AKAP13: variants seen among roughly 807,000 people sequenced by gnomAD.
AKAP13 encodes the protein A-kinase anchoring protein 13.
A neutral mutation model predicts 264.5 loss-of-function variants in AKAP13; 80 were observed. The ratio of observed to expected loss-of-function variants is 0.30; its 90% CI spans 0.25 to 0.36. The LOEUF is 0.36. AKAP13 is among the 10% of genes least tolerant of loss of function. The pLI, the probability that AKAP13 is intolerant of heterozygous loss-of-function variation, is 1.00. For synonymous variants in AKAP13, 1,380 were observed against 1,250.2 expected, an observed-to-expected ratio of 1.10 and a Z score of -2.19; for missense variants, 3,712 against 3,435.2, an observed-to-expected ratio of 1.08 and a Z score of -2.01.
At chr15:85,670,355 T>C (rs1322534094) in intron 14 of AKAP13, among the ~76,000 whole-genome samples, 7 of 151,894 alleles carry the variant, frequency 4.6e-5, no homozygotes, top group Admixed American at 4.6e-4. Flanking sequence ...TATTGTCTTA[T>C]ATTACCATAG....
intron 1 of AKAP13, among the ~76,000 whole-genome samples, chr15:85,389,375 C>T (rs997176379): frequency 1.3e-5 from 2 of 152,192 alleles, no homozygotes; most frequent in Non-Finnish European, 2.9e-5. Flanking sequence ...AAAGCTGGGG[C>T]GATTTTAGGG....
intron 4 of AKAP13, chr15:85,536,612 A>G (rs943493935): frequency 2.6e-5 from 4 of 152,252 alleles, no homozygotes; most frequent in South Asian, 4.1e-4. Flanking sequence ...AAACTATAAT[A>G]TATCCATACA....
At chr15:85,666,777 C>T (rs2151555010) in intron 13 of AKAP13, among the ~76,000 whole-genome samples, 1 of 152,322 alleles carries the variant, frequency 6.6e-6, no homozygotes, top group Non-Finnish European at 1.5e-5. Context: ...TCTCTTGAAA[C>T]TCCTGTCTTG....
rs981412399 is a variant in AKAP13 at position 85,514,187 on chromosome 15, C to T, written c.34-7241C>T. On this transcript the variant is annotated intron_variant, in intron 2 of 36. Coordinates refer to ENST00000394518, the MANE Select transcript of AKAP13 (RefSeq NM_007200.5). Reference sequence around the variant, plus strand: ...TTTGCGCAGTGATAATTTTACTATTCCAGCAATCTCCCCTCTTTAAGCAGT... The same window carrying T: ...TTTGCGCAGTGATAATTTTACTATTTCAGCAATCTCCCCTCTTTAAGCAGT... Among the ~76,000 whole-genome samples, 4 of 137,258 alleles carry T rather than the reference C, an allele frequency of 2.9e-5. No homozygotes were observed. In the East Asian group the frequency reaches 8.2e-4, roughly 28 times the overall value. 90.0% of individuals were successfully genotyped at this position (137,258 alleles called of 152,430 possible). A position where few individuals can be genotyped will look rare whatever the true frequency, so the allele number is the denominator to read the frequency against.
chr15:85,472,765 A>G (rs1174014419), intron 1 of AKAP13, among the ~76,000 whole-genome samples: 3 of 152,372 alleles, frequency 2.0e-5, no homozygotes, highest in African/African-American at 7.2e-5. Context: ...TAAGGTTGTC[A>G]TGAAAAATAC....
chr15:85,578,959 T>C lies in AKAP13; in HGVS notation c.891T>C (p.Leu297=), dbSNP rs1186450049. The C allele has an allele frequency of 6.2e-7, 1 of 1,613,968 alleles. No individual in the cohort carries two copies. Among genetic ancestry groups the C allele is most frequent in the Admixed American group, 1.7e-5 (1 of 59,998 alleles). The stretch of plus-strand genomic sequence containing the variant: ...CAAACCTCAAGCAGATGGACAGTCT[T>C]ATGCCCTTAATGATGACAGCACAGG... The part of the protein sequence containing the change: ...MKTNLKQMDS[L]MPLMMTAQDP... Residue 297 remains leucine, a synonymous_variant, in exon 7 of 37, where the codon CTT becomes CTC. Coordinates refer to ENST00000394518, the MANE Select transcript of AKAP13 (RefSeq NM_007200.5).
chr15:85,739,600 T>G (rs2088807349), intron 33 of AKAP13, among the ~76,000 whole-genome samples: 1 of 152,208 alleles, frequency 6.6e-6, no homozygotes, highest in Non-Finnish European at 1.5e-5. Context: ...ATCTTCTGGT[T>G]TCTTCCATTA....
chr15:85,608,414 C>A (rs924553316), intron 8 of AKAP13, among the ~76,000 whole-genome samples: 1 of 152,184 alleles, frequency 6.6e-6, no homozygotes, highest in Non-Finnish European at 1.5e-5. Flanking sequence ...TTGGATGTAT[C>A]ATACCATTTT....
chr15:85,684,911 G>T (rs747998814), intron 16 of AKAP13, 38 bp downstream of exon 16: 1 of 1,592,714 alleles, frequency 6.3e-7, no homozygotes, highest in African/African-American at 1.3e-5. Flanking sequence ...GATCACCTCA[G>T]TAGGATCCTG....
chr15:85,720,272 G>A (rs1250148543), intron 23 of AKAP13, among the ~76,000 whole-genome samples: 2 of 109,908 alleles, frequency 1.8e-5, no homozygotes, highest in Non-Finnish European at 4.9e-5. Context: ...GTGTGTGTGT[G>A]TGTGTGTGTG....
At chr15:85,386,774 T>G (rs1391759530) in intron 1 of AKAP13, among the ~76,000 whole-genome samples, 2 of 152,156 alleles carry the variant, frequency 1.3e-5, no homozygotes, top group South Asian at 2.1e-4. Context: ...CTTTTTTTTT[T>G]TGCAAGTTGA....
chr15:85,448,149 T>G (rs1048132374), intron 1 of AKAP13, among the ~76,000 whole-genome samples: 1 of 152,232 alleles, frequency 6.6e-6, no homozygotes, highest in East Asian at 1.9e-4. Context: ...TTTCATATGC[T>G]TGTTGGCTAC....
At chr15:85,730,449 T>A in intron 29 of AKAP13, 64 bp from the exon 30 acceptor site, 1 of 1,531,806 alleles carries the variant, frequency 6.5e-7, no homozygotes, top group Non-Finnish European at 8.9e-7. Context: ...GGTGCTCGTG[T>A]CTTAGTCATT....
chr15:85,593,782 T>C (rs2079686749), intron 8 of AKAP13, among the ~76,000 whole-genome samples: 1 of 103,872 alleles, frequency 9.6e-6, no homozygotes. Context: ...TGTCTACTAC[T>C]TACACTCATT....
Position 85,580,280 on chromosome 15 carries a change from G to A in AKAP13, c.2212G>A (p.Asp738Asn). 6.2e-7 allele frequency: 1 copy of A among 1,614,180 alleles called. No homozygotes were observed. The change falls in exon 7 of 37, where the codon GAT becomes AAT. Residue 738 changes from aspartate to asparagine, a missense_variant. Around this residue, in one of 3 missense-constraint regions of AKAP13, gnomAD observed 2,759 missense variants for 2,411.7 expected, o/e 1.14. Transcript: ENST00000394518. ...RADFCPFKVV[D>N]NKGQRKDVKL... is the part of the protein sequence containing the mutation. Reference sequence around the variant, plus strand: ...GGATTTTTGTCCTTTCAAAGTGGTGGATAACAAAGGCCAACGAAAAGATGT... The same window carrying A: ...GGATTTTTGTCCTTTCAAAGTGGTGAATAACAAAGGCCAACGAAAAGATGT...
chr15:85,576,790 G>A (rs1464240986), intron 6 of AKAP13, among the ~76,000 whole-genome samples: 1 of 152,134 alleles, frequency 6.6e-6, no homozygotes, highest in Non-Finnish European at 1.5e-5. Flanking sequence ...AGGCAATCAG[G>A]TTTTTCCTTA....
chr15:85,530,484 A>C (rs1395447377), intron 3 of AKAP13, among the ~76,000 whole-genome samples: 1 of 152,178 alleles, frequency 6.6e-6, no homozygotes, highest in Non-Finnish European at 1.5e-5. Flanking sequence ...AGGGCTGTGG[A>C]TATTCTGTTT....
intron 27 of AKAP13, among the ~76,000 whole-genome samples, chr15:85,726,713 CTA>C (rs2087636498): frequency 6.6e-6 from 1 of 152,142 alleles, no homozygotes; most frequent in Non-Finnish European, 1.5e-5. Flanking sequence ...GGACATCTGA[CTA>C]TTTGATCTAT....
At chr15:85,660,369 A>AG (rs1354736686) in intron 12 of AKAP13, among the ~76,000 whole-genome samples, 1 of 143,138 alleles carries the variant, frequency 7.0e-6, no homozygotes, top group Non-Finnish European at 1.6e-5. Context: ...AAAAAAAAAA[A>AG]AAAAAAAAAA....
Sources: gnomAD v4.1 joint callset for allele counts (sites outside exome capture counted in the v4.1 genomes callset) on GRCh38, gnomAD v4.1.1 for gene constraint, gnomAD v4.1.1 regional missense constraint, MANE v1.5 for transcripts, NCBI Gene and HGNC (gene_info 2026-07-23, HGNC 2026-07-21) for gene names.